KYNU: variants seen among roughly 807,000 people sequenced by gnomAD.
The protein encoded by KYNU is kynureninase, also known as L-kynurenine hydrolase.
A neutral mutation model predicts 59.2 loss-of-function variants in KYNU; 54 were observed. The observed-to-expected ratio is 0.91, with a 90% confidence interval of 0.73 to 1.14. The LOEUF is 1.14. Ranked by LOEUF, KYNU falls within the 50% of genes most tolerant of loss-of-function variation. The pLI is 0.00. For synonymous variants in KYNU, 177 were observed against 192.0 expected (o/e 0.92, Z 0.65); for missense variants, 567 against 554.4 (o/e 1.02, Z -0.23).
chr2:142,954,308 C>T lies in KYNU; in HGVS notation c.374-502C>T, dbSNP rs185727996. Among the ~76,000 whole-genome samples the T allele has an allele frequency of 7.2e-4, 109 of 152,112 alleles. 1 individual carries two copies. Among genetic ancestry groups the T allele is most frequent in the African/African-American group, 2.4e-3 (101 of 41,530 alleles). On this transcript the variant is annotated intron_variant, in intron 4 of 13. Transcript: ENST00000264170. The stretch of plus-strand genomic sequence containing the variant: ...GCTATTTGGGTCATAATTTGCTATG[C>T]GGCTGTTTTGTCTTGTTATATATTT...
intron 2 of KYNU, among the ~76,000 whole-genome samples, chr2:142,905,130 C>T (rs1175198557): frequency 6.6e-6 from 1 of 152,200 alleles, no homozygotes; most frequent in African/African-American, 2.4e-5. Flanking sequence ...TCCTTCTTTA[C>T]TTTTGTAGGA....
At chr2:143,023,035 A>G (rs925426439) in intron 10 of KYNU, among the ~76,000 whole-genome samples, 15 of 151,776 alleles carry the variant, frequency 9.9e-5, no homozygotes, top group African/African-American at 3.6e-4. Flanking sequence ...ATGTACTTTT[A>G]TAACACTTTT....
At chr2:142,880,694 A>C (rs1180220768) in intron 1 of KYNU, among the ~76,000 whole-genome samples, 3 of 152,224 alleles carry the variant, frequency 2.0e-5, no homozygotes, top group Non-Finnish European at 4.4e-5. Flanking sequence ...GTTTGGTTAG[A>C]GCTTTTATAG....
At chr2:142,980,395 A>G (rs1157472783) in intron 8 of KYNU, among the ~76,000 whole-genome samples, 1 of 151,860 alleles carries the variant, frequency 6.6e-6, no homozygotes, top group Non-Finnish European at 1.5e-5. Context: ...CTCCTATCTC[A>G]TCCTGTGACT....
At chr2:143,038,857 A>G (rs1479779297) in intron 12 of KYNU, among the ~76,000 whole-genome samples, 1 of 152,182 alleles carries the variant, frequency 6.6e-6, no homozygotes, top group Non-Finnish European at 1.5e-5. Flanking sequence ...AAGTCTCAAT[A>G]TCACCAAATG....
intron 4 of KYNU, chr2:142,947,015 G>A: frequency 6.5e-7 from 1 of 1,535,812 alleles, no homozygotes. Flanking sequence ...GTAATTTCAT[G>A]GTACCCTTTT....
At position 143,006,207 on chromosome 2, in the gene KYNU, C is replaced by G. The variant is rs1480475231; in HGVS notation, c.902+20186C>G. 4.6e-5 allele frequency among the ~76,000 whole-genome samples: 7 copies of G among 152,040 alleles called. No homozygotes were observed. The South Asian group carries it at 1.5e-3, about 32-fold the overall frequency. On this transcript the variant is annotated intron_variant, in intron 10 of 13. Coordinates refer to ENST00000264170, the MANE Select transcript of KYNU (RefSeq NM_003937.3). ...CAGGCCAGTGGGTGCACGCACCGTG[C>G]GCGAGCCGAAACAGGGCGAGGCATT...
At chr2:142,950,545 T>G (rs896065050) in intron 4 of KYNU, among the ~76,000 whole-genome samples, 12 of 151,838 alleles carry the variant, frequency 7.9e-5, no homozygotes, top group African/African-American at 2.9e-4. Flanking sequence ...AACCATCAGA[T>G]CTCATGAGAC....
intron 4 of KYNU, chr2:142,947,202 C>T (rs1683818948): frequency 1.3e-6 from 2 of 1,550,508 alleles, no homozygotes; most frequent in African/African-American, 2.7e-5. Flanking sequence ...CTCTGAGGTT[C>T]CCAAGAAAAC....
rs1252876749 is a variant in KYNU, at chr2:142,960,752, A to G, written c.711A>G (p.Thr237=). The G allele has an allele frequency of 6.2e-7, 1 of 1,613,912 alleles. No homozygotes were observed. The highest frequency in any genetic ancestry group is 8.5e-7 in the Non-Finnish European group (1 of 1,179,984). Reference sequence around the variant, plus strand: ...AGCACTTTAATATTCCTGCCATCACAAAAGCTGGACAAGCGAAGGTATGCA... The same window carrying G: ...AGCACTTTAATATTCCTGCCATCACGAAAGCTGGACAAGCGAAGGTATGCA... ...TGQHFNIPAI[T]KAGQAKGCYV... Residue 237 remains threonine, a synonymous_variant, in exon 8 of 14, where the codon ACA becomes ACG. Coordinates refer to ENST00000264170, the MANE Select transcript of KYNU (RefSeq NM_003937.3).
intron 10 of KYNU, among the ~76,000 whole-genome samples, chr2:142,987,850 T>C (rs1285267120): frequency 6.6e-6 from 1 of 151,918 alleles, no homozygotes; most frequent in African/African-American, 2.4e-5. Context: ...CCCTTTGCTA[T>C]TCTCATGATG....
intron 10 of KYNU, among the ~76,000 whole-genome samples, chr2:142,990,724 C>A (rs534591692): frequency 1.3e-5 from 2 of 151,870 alleles, no homozygotes; most frequent in African/African-American, 4.8e-5. Flanking sequence ...TTCTTCTGAG[C>A]TTTTTTGAAT....
chr2:143,049,362 T>C lies in KYNU; in HGVS notation c.*7190T>C, dbSNP rs1687224881. On this transcript the variant is annotated 3_prime_UTR_variant, in exon 14 of 14. Coordinates refer to ENST00000264170, the MANE Select transcript of KYNU (RefSeq NM_003937.3). ...TTGAGCTTCCCTGCATCAGCTGTTT[T>C]GCCTGGTGGCTGCCACCAACGCTTT... 6.6e-6 allele frequency: 1 copy of C among 152,192 alleles called. No homozygotes were observed. Among genetic ancestry groups the C allele is most frequent in the Admixed American group, 6.6e-5 (1 of 15,266 alleles). 9.4% of individuals were successfully genotyped at this position (152,192 alleles called of 1,614,324 possible). A position where few individuals can be genotyped will look rare whatever the true frequency, so the allele number is the denominator to read the frequency against.
rs10528472 is a variant in KYNU at position 143,042,583 on chromosome 2, GATATATATATATATATATATATATATAT to G, written c.*432_*459del. 66 of 136,526 alleles carry G rather than the reference GATATATATATATATATATATATATATAT, an allele frequency of 4.8e-4. 1 individual carries two copies. The South Asian group carries it at 4.9e-3, about 10-fold the overall frequency. 8.5% of individuals were successfully genotyped at this position (136,526 alleles called of 1,614,324 possible). A position where few individuals can be genotyped will look rare whatever the true frequency, so the allele number is the denominator to read the frequency against. On this transcript the variant is annotated 3_prime_UTR_variant, in exon 14 of 14. Coordinates refer to ENST00000264170, the MANE Select transcript of KYNU (RefSeq NM_003937.3). ...GAGTTTCTTTGAAGCATTGTAGTCTGATATATATATATATATATATATATATATATATATATATATATATATATGTGTG... is the reference window on the plus strand; with the variant it reads ...GAGTTTCTTTGAAGCATTGTAGTCTGATATATATATATATATATATGTGTG...
intron 10 of KYNU, among the ~76,000 whole-genome samples, chr2:142,991,989 A>T (rs1451171074): frequency 1.3e-5 from 2 of 152,010 alleles, no homozygotes; most frequent in African/African-American, 4.8e-5. Flanking sequence ...TTTTCCAAGT[A>T]GCAGCATCTA....
At chr2:143,024,752 G>A (rs1686505372) in intron 10 of KYNU, among the ~76,000 whole-genome samples, 1 of 152,048 alleles carries the variant, frequency 6.6e-6, no homozygotes, top group Non-Finnish European at 1.5e-5. Context: ...AACTAACTCA[G>A]AGGATGTTGC....
intron 2 of KYNU, among the ~76,000 whole-genome samples, chr2:142,892,544 A>G (rs1681748562): frequency 6.6e-6 from 1 of 152,238 alleles, no homozygotes; most frequent in South Asian, 2.1e-4. Context: ...TACTAGGATG[A>G]TTGGTATAAT....
chr2:143,036,288 C>A (rs2104921775), intron 12 of KYNU, among the ~76,000 whole-genome samples: 1 of 152,186 alleles, frequency 6.6e-6, no homozygotes, highest in East Asian at 1.9e-4. Context: ...GTACACCGAA[C>A]AAAGGAGACA....
At chr2:142,963,132 CAG>C (rs1157987068) in intron 8 of KYNU, among the ~76,000 whole-genome samples, 1 of 151,870 alleles carries the variant, frequency 6.6e-6, no homozygotes, top group Non-Finnish European at 1.5e-5. Context: ...GAAGAAGAAA[CAG>C]AAATTGTGAA....
Sources: allele counts gnomAD v4.1 joint callset (sites outside exome capture counted in the v4.1 genomes callset), GRCh38; gene constraint gnomAD v4.1.1; transcripts MANE v1.5; gene names NCBI Gene and HGNC (gene_info 2026-07-23, HGNC 2026-07-21).